CECR2: variants seen among roughly 807,000 people sequenced by gnomAD.
CECR2 encodes CECR2 histone acetyl-lysine reader, also known as chromatin remodeling regulator CECR2.
CECR2 carries 30 observed loss-of-function variants against 154.5 expected under a neutral mutation model. The ratio of observed to expected loss-of-function variants is 0.19; its 90% confidence interval spans 0.15 to 0.26. The LOEUF is 0.26. Ranked by LOEUF, CECR2 falls within the 10% of genes least tolerant of loss-of-function variation. The pLI is 1.00. For missense variants in CECR2, 1,743 were observed against 1,829.3 expected (o/e 0.95, Z 0.86); for synonymous variants, 725 against 683.7 (o/e 1.06, Z -0.94).
At chr22:17,360,305 C>A (rs746124420) in intron 1 of CECR2, among the ~76,000 whole-genome samples, 2 of 152,248 alleles carry the variant, frequency 1.3e-5, no homozygotes, top group Non-Finnish European at 1.5e-5. Flanking sequence ...TTCAAGGACA[C>A]AGCAAGCTAT....
At chr22:17,514,652 AGT>A (rs1342430473) in intron 8 of CECR2, among the ~76,000 whole-genome samples, 1 of 152,178 alleles carries the variant, frequency 6.6e-6, no homozygotes, top group Non-Finnish European at 1.5e-5. Flanking sequence ...CACTACAAAA[AGT>A]GAGTCCTGTT....
rs572600472 is a variant in CECR2, at chr22:17,450,364, G to A, written c.127-27224G>A. On this transcript the variant is annotated intron_variant, in intron 1 of 18. Coordinates refer to ENST00000262608, the MANE Select transcript of CECR2 (RefSeq NM_001290047.2). ...CGGCTCACTGCAACCTCTGCCTCCC[G>A]TGTTCAAGCGATTCTCCTGCCTCAG... is the stretch of plus-strand genomic sequence containing the variant. Among the ~76,000 whole-genome samples, 10 of 152,250 alleles carry A rather than the reference G, an allele frequency of 6.6e-5. No homozygotes were observed. In the East Asian group the frequency reaches 1.4e-3, roughly 21 times the overall value.
chr22:17,529,378 A>G (rs955563226), intron 9 of CECR2, among the ~76,000 whole-genome samples: 2 of 152,008 alleles, frequency 1.3e-5, no homozygotes, highest in Non-Finnish European at 2.9e-5. Flanking sequence ...CCAGGGTCGC[A>G]TTGGGATGGG....
intron 1 of CECR2, among the ~76,000 whole-genome samples, chr22:17,417,019 C>CTTT (rs11306557): frequency 1.3e-4 from 18 of 142,176 alleles, no homozygotes; most frequent in African/African-American, 4.6e-4. Context: ...TTGTCAGATT[C>CTTT]TTTTTTTTTT....
chr22:17,540,072 A>ATCC (rs1197748897), intron 13 of CECR2, among the ~76,000 whole-genome samples: 1 of 152,076 alleles, frequency 6.6e-6, no homozygotes, highest in Admixed American at 6.6e-5. Context: ...GGCTCAAGTG[A>ATCC]TCCTCCTGCC....
intron 1 of CECR2, 116 bp from the exon 2 acceptor site, chr22:17,477,472 A>T (rs568143472): frequency 1.4e-6 from 1 of 712,942 alleles, no homozygotes; most frequent in East Asian, 2.6e-5. Context: ...ATCTCTGGCA[A>T]GTCCTTCCGC....
At position 17,555,246 on chromosome 22, in the gene CECR2, T is replaced by C. The variant is rs1347156005; in HGVS notation, c.*2406T>C. ...GAACGATACAGGAAAAGTCAGTAAA[T>C]CCCTTTATCCTTAATCTCCCTTCTT... On this transcript the variant is annotated 3_prime_UTR_variant, in exon 19 of 19. Transcript: ENST00000262608. 2.0e-5 allele frequency: 3 copies of C among 152,200 alleles called. No individual in the cohort carries two copies. The highest frequency in any genetic ancestry group is 7.2e-5 in the African/African-American group (3 of 41,450). The allele number at this position is 152,200 out of a possible 1,614,324, so 9.4% of individuals were successfully genotyped here.
At chr22:17,482,586 T>A (rs1221212305) in intron 2 of CECR2, among the ~76,000 whole-genome samples, 2 of 151,864 alleles carry the variant, frequency 1.3e-5, no homozygotes, top group African/African-American at 4.8e-5. Flanking sequence ...CAGGCTGGAG[T>A]GCAGTGGTGC....
rs1315177688 is a variant in CECR2, at chr22:17,553,853, C to A, written c.*1013C>A. 1 of 152,228 alleles carries A rather than the reference C, an allele frequency of 6.6e-6. No homozygotes were observed. 9.4% of individuals were successfully genotyped at this position (152,228 alleles called of 1,614,324 possible). Reference sequence around the variant, plus strand: ...ACTGTGATCTAGAAGGCATCACACACAGCTTTCTGGCACGAATCACATTTT... The same window carrying A: ...ACTGTGATCTAGAAGGCATCACACAAAGCTTTCTGGCACGAATCACATTTT... On this transcript the variant is annotated 3_prime_UTR_variant, in exon 19 of 19. Transcript: ENST00000262608.
rs1555935180 is a variant in CECR2 at position 17,549,789 on chromosome 22, T to TG, written c.4277+225_4277+226insG. 6.9e-3 allele frequency among the ~76,000 whole-genome samples: 906 copies of TG among 130,896 alleles called. 23 individuals carry two copies. Among genetic ancestry groups the TG allele is most frequent in the African/African-American group, 0.024 (795 of 32,478 alleles). The allele number at this position is 130,896 out of a possible 152,430, so 85.9% of individuals were successfully genotyped here. The stretch of plus-strand genomic sequence containing the variant: ...CACACCCAGCTAACTTTTTGGTTTT[T>TG]TTTTTTTTTTTTTTTTGGTGGAGGT... On this transcript the variant is annotated intron_variant, in intron 17 of 18. Coordinates refer to ENST00000262608, the MANE Select transcript of CECR2 (RefSeq NM_001290047.2).
At chr22:17,372,745 C>T (rs2063075290) in intron 1 of CECR2, among the ~76,000 whole-genome samples, 1 of 152,032 alleles carries the variant, frequency 6.6e-6, no homozygotes, top group African/African-American at 2.4e-5. Context: ...TGGAAGGGCC[C>T]TACAGTCTTA....
intron 8 of CECR2, among the ~76,000 whole-genome samples, chr22:17,514,107 GCAGTCCAA>G (rs1402331188): frequency 6.6e-6 from 1 of 152,194 alleles, no homozygotes; most frequent in Admixed American, 6.5e-5. Flanking sequence ...TGGTCACTCA[GCAGTCCAA>G]ACTTATTGCC....
rs1601451145 is a variant in CECR2, at chr22:17,492,547, C to G, written c.222-4856C>G. On this transcript the variant is annotated intron_variant, in intron 2 of 18. Transcript: ENST00000262608. ...TTTAAGAGTTTGGAAAGGTTGTTGA[C>G]TCATTCTTATTTTCACTCTTTCTTG... is the stretch of plus-strand genomic sequence containing the variant. 2.6e-5 allele frequency among the ~76,000 whole-genome samples: 4 copies of G among 152,098 alleles called. No homozygotes were observed. The East Asian group carries it at 7.7e-4, about 29-fold the overall frequency.
intron 8 of CECR2, among the ~76,000 whole-genome samples, chr22:17,523,611 C>T (rs1364484286): frequency 2.0e-5 from 3 of 151,710 alleles, no homozygotes; most frequent in Non-Finnish European, 4.4e-5. Context: ...AAAAAATTAG[C>T]CGGGCGTGGT....
At chr22:17,450,369 C>G (rs1455501086) in intron 1 of CECR2, among the ~76,000 whole-genome samples, 2 of 152,234 alleles carry the variant, frequency 1.3e-5, no homozygotes, top group Non-Finnish European at 1.5e-5. Flanking sequence ...CTCCCGTGTT[C>G]AAGCGATTCT....
intron 8 of CECR2, among the ~76,000 whole-genome samples, chr22:17,515,022 CAAAAAAAA>C (rs913316044): frequency 1.2e-5 from 1 of 83,140 alleles, no homozygotes; most frequent in Non-Finnish European, 2.5e-5. Flanking sequence ...GACTCCGTCT[CAAAAAAAA>C]AAAAAAAGAA....
chr22:17,534,451 A>G (rs915595350), intron 9 of CECR2, among the ~76,000 whole-genome samples: 14 of 152,170 alleles, frequency 9.2e-5, no homozygotes, highest in African/African-American at 3.4e-4. Context: ...TTTTAAGTAC[A>G]AAAAGCAAAA....
intron 1 of CECR2, among the ~76,000 whole-genome samples, chr22:17,453,729 G>T (rs1235457390): frequency 6.6e-6 from 1 of 152,096 alleles, no homozygotes; most frequent in Non-Finnish European, 1.5e-5. Flanking sequence ...TTTATACTTT[G>T]ATAAGTTTTG....
intron 1 of CECR2, among the ~76,000 whole-genome samples, chr22:17,362,347 A>G (rs79221688): frequency 0.014 from 2,107 of 152,204 alleles, 56 homozygotes; most frequent in African/African-American, 0.048. Context: ...TCCAGCCCCA[A>G]GAATCAATAA....
Sources: gnomAD v4.1 joint callset for allele counts (sites outside exome capture counted in the v4.1 genomes callset) on GRCh38, gnomAD v4.1.1 for gene constraint, MANE v1.5 for transcripts, NCBI Gene and HGNC (gene_info 2026-07-23, HGNC 2026-07-21) for gene names.